TAOK1: variants seen among roughly 807,000 people sequenced by gnomAD.
The protein encoded by TAOK1 is serine/threonine-protein kinase TAO1.
Under a neutral mutation model 138.3 loss-of-function variants are expected in TAOK1, and 21 were observed. The ratio of observed to expected loss-of-function variants is 0.15; its 90% confidence interval spans 0.11 to 0.22. The LOEUF is 0.22. Among genes scored for constraint, TAOK1 ranks in the 10% least tolerant of loss-of-function variants. The probability of loss-of-function intolerance (pLI) is 1.00; values close to 1 mark genes in which losing one functional copy is unlikely to be tolerated. For synonymous variants in TAOK1, 361 were observed against 398.4 expected (o/e 0.91, Z 1.12); for missense variants, 651 against 1,227.7 (o/e 0.53, Z 7.02).
At chr17:29,492,545 C>A (rs748148179) in intron 10 of TAOK1, among the ~76,000 whole-genome samples, 5 of 152,208 alleles carry the variant, frequency 3.3e-5, no homozygotes, top group Middle Eastern at 3.2e-3. Flanking sequence ...GTAATCCCAG[C>A]ACTTTGGGAG....
At chr17:29,502,922 C>T (rs1378833486) in intron 13 of TAOK1, among the ~76,000 whole-genome samples, 199 bp downstream of exon 13, 2 of 151,904 alleles carry the variant, frequency 1.3e-5, no homozygotes, top group Non-Finnish European at 2.9e-5. Flanking sequence ...CTTCATGACA[C>T]GTACACAAAA....
At chr17:29,422,199 T>C (rs1353835342) in intron 1 of TAOK1, among the ~76,000 whole-genome samples, 1 of 147,664 alleles carries the variant, frequency 6.8e-6, no homozygotes, top group East Asian at 2.0e-4. Flanking sequence ...GCCCGGCCTA[T>C]CCTTTTTTTT....
intron 8 of TAOK1, among the ~76,000 whole-genome samples, chr17:29,487,351 G>A (rs905387811): frequency 1.3e-4 from 20 of 151,606 alleles, no homozygotes; most frequent in Non-Finnish European, 1.6e-4. Context: ...TGTTAGATTG[G>A]AATTTGAGAT....
At chr17:29,453,222 C>T (rs901099199) in intron 2 of TAOK1, among the ~76,000 whole-genome samples, 2 of 148,944 alleles carry the variant, frequency 1.3e-5, no homozygotes, top group African/African-American at 5.0e-5. Flanking sequence ...TGCAATGGCA[C>T]GATCTCGGCT....
chr17:29,459,271 G>A (rs1189723648), intron 2 of TAOK1, among the ~76,000 whole-genome samples: 1 of 151,914 alleles, frequency 6.6e-6, no homozygotes, highest in Non-Finnish European at 1.5e-5. Context: ...TTCAAGGATT[G>A]TAGTCTCTAA....
At chr17:29,538,781 A>C (rs568960814) in intron 19 of TAOK1, among the ~76,000 whole-genome samples, 1 of 152,342 alleles carries the variant, frequency 6.6e-6, no homozygotes, top group South Asian at 2.1e-4. Context: ...CTCATCCTTC[A>C]TTTACATTAA....
At chr17:29,502,450 C>A in intron 12 of TAOK1, 139 bp from the exon 13 acceptor site, 1 of 919,008 alleles carries the variant, frequency 1.1e-6, no homozygotes, top group Non-Finnish European at 1.6e-6. Flanking sequence ...AGAAGACCAG[C>A]ATTTCTACTT....
intron 11 of TAOK1, 109 bp from the exon 12 acceptor site, chr17:29,498,208 AC>A: frequency 9.0e-7 from 1 of 1,108,534 alleles, no homozygotes; most frequent in East Asian, 2.5e-5. Context: ...TGATAGACCA[AC>A]TTTCTGAGAC....
chr17:29,491,079 C>G (rs1354870606), intron 9 of TAOK1, among the ~76,000 whole-genome samples: 2 of 152,136 alleles, frequency 1.3e-5, no homozygotes, highest in Non-Finnish European at 2.9e-5. Flanking sequence ...ATATTGAACA[C>G]AGACTGTCTT....
chr17:29,516,183 G>A (rs1025934962), intron 15 of TAOK1, among the ~76,000 whole-genome samples: 6 of 151,888 alleles, frequency 4.0e-5, no homozygotes, highest in East Asian at 3.9e-4. Context: ...CTGGTCTTGC[G>A]CTCCCAACCT....
chr17:29,412,497 G>T (rs1905172003), intron 1 of TAOK1, among the ~76,000 whole-genome samples: 1 of 151,778 alleles, frequency 6.6e-6, no homozygotes, highest in South Asian at 2.1e-4. Flanking sequence ...TACTGTCCTT[G>T]TTCTTCTCTA....
chr17:29,509,533 ATAC>A (rs2031681385), intron 14 of TAOK1, among the ~76,000 whole-genome samples: 2 of 152,048 alleles, frequency 1.3e-5, no homozygotes, highest in African/African-American at 4.8e-5. Flanking sequence ...GGAAAAGGCG[ATAC>A]TAACATATTT....
intron 6 of TAOK1, among the ~76,000 whole-genome samples, chr17:29,479,130 A>C (rs1028708176): frequency 1.3e-5 from 2 of 148,780 alleles, no homozygotes; most frequent in Non-Finnish European, 3.0e-5. Flanking sequence ...TGGGTGACAG[A>C]GTGAAACTCT....
chr17:29,504,276 C>CAAAAAAA (rs71138826), intron 13 of TAOK1, among the ~76,000 whole-genome samples: 2 of 40,828 alleles, frequency 4.9e-5, no homozygotes, highest in Admixed American at 3.8e-4. Flanking sequence ...GACCCTGTCT[C>CAAAAAAA]AAAAAAAAAA....
chr17:29,542,023 C>T (rs1440503279), intron 19 of TAOK1, among the ~76,000 whole-genome samples: 2 of 151,764 alleles, frequency 1.3e-5, no homozygotes, highest in Non-Finnish European at 2.9e-5. Flanking sequence ...TACAGGGGCC[C>T]GCCACCACCA....
intron 9 of TAOK1, among the ~76,000 whole-genome samples, chr17:29,489,986 A>G (rs1301045666): frequency 6.6e-6 from 1 of 152,098 alleles, no homozygotes; most frequent in Non-Finnish European, 1.5e-5. Context: ...CATGAATGCA[A>G]AAAGTATTCA....
At chr17:29,491,749 G>C in intron 9 of TAOK1, 35 bp from the exon 10 acceptor site, 2 of 1,434,950 alleles carry the variant, frequency 1.4e-6, no homozygotes, top group Non-Finnish European at 2.0e-6. Context: ...AAAGGAAATA[G>C]CAATGTGTTC....
chr17:29,527,696 A>G (rs1260012578), intron 17 of TAOK1, among the ~76,000 whole-genome samples: 1 of 152,226 alleles, frequency 6.6e-6, no homozygotes, highest in African/African-American at 2.4e-5. Flanking sequence ...TCAACCAGCC[A>G]ATACCTGGCA....
chr17:29,525,974 C>T (rs924203171), intron 17 of TAOK1, among the ~76,000 whole-genome samples: 2 of 151,980 alleles, frequency 1.3e-5, no homozygotes, highest in South Asian at 2.1e-4. Flanking sequence ...TCTAGCCTGG[C>T]GACAGAGCGA....
Sources: allele counts gnomAD v4.1 joint callset (sites outside exome capture counted in the v4.1 genomes callset), GRCh38; gene constraint gnomAD v4.1.1; transcripts MANE v1.5; gene names NCBI Gene and HGNC (gene_info 2026-07-23, HGNC 2026-07-21).